MARCO: variants seen among roughly 807,000 people sequenced by gnomAD.
MARCO encodes the protein macrophage receptor MARCO.
Under a neutral mutation model 70.0 loss-of-function variants are expected in MARCO, and 72 were observed. The ratio of observed to expected loss-of-function variants is 1.03; its 90% CI spans 0.85 to 1.25. The LOEUF is 1.25. Ranked by LOEUF, MARCO falls within the 50% of genes most tolerant of loss-of-function variation. MARCO has a pLI of 0.00. For missense variants in MARCO, 696 were observed against 659.3 expected (o/e 1.06, Z -0.61); for synonymous variants, 273 against 243.1 (o/e 1.12, Z -1.14).
At chr2:118,955,655 G>T (rs1372408028) in intron 1 of MARCO, among the ~76,000 whole-genome samples, 3 of 152,186 alleles carry the variant, frequency 2.0e-5, no homozygotes, top group Non-Finnish European at 4.4e-5. Flanking sequence ...TTGTCATCAG[G>T]TTATCTAAAG....
chr2:118,957,919 A>C (rs1388215867), intron 1 of MARCO, among the ~76,000 whole-genome samples: 1 of 152,150 alleles, frequency 6.6e-6, no homozygotes, highest in East Asian at 1.9e-4. Context: ...ATTTCAATAG[A>C]TGCAGAAAAA....
chr2:118,967,894 T>C (rs1005810486), intron 1 of MARCO, among the ~76,000 whole-genome samples: 3 of 152,306 alleles, frequency 2.0e-5, no homozygotes, highest in Non-Finnish European at 2.9e-5. Context: ...AGATGTGCCC[T>C]TGGGGCCCAT....
chr2:118,960,760 G>A (rs1031847568), intron 1 of MARCO, among the ~76,000 whole-genome samples: 1 of 152,046 alleles, frequency 6.6e-6, no homozygotes, highest in South Asian at 2.1e-4. Context: ...AAGTTCCAGA[G>A]TACATGTGCA....
intron 16 of MARCO, among the ~76,000 whole-genome samples, 182 bp downstream of exon 16, chr2:118,993,482 A>G (rs1040876958): frequency 1.3e-5 from 2 of 152,208 alleles, no homozygotes; most frequent in Non-Finnish European, 2.9e-5. Context: ...TGGCAACCCC[A>G]GCAGAAAGAT....
At chr2:118,984,987 G>A (rs1023057547) in intron 12 of MARCO, among the ~76,000 whole-genome samples, 12 of 152,198 alleles carry the variant, frequency 7.9e-5, no homozygotes, top group Admixed American at 6.5e-5. Context: ...TGACCTAGGT[G>A]ACAGCTAGGT....
intron 15 of MARCO, 66 bp downstream of exon 15, chr2:118,992,542 G>A (rs1048627728): frequency 8.1e-6 from 11 of 1,363,286 alleles, no homozygotes; most frequent in Non-Finnish European, 1.0e-5. Flanking sequence ...AAAATTGTGT[G>A]TGTTGGGGGA....
rs145557337 is a variant in MARCO at position 118,971,256 on chromosome 2, C to T, written c.425-243C>T. ...CCTCCTTTCCCCACCTCCAAGACTC[C>T]CAGGGATCTACAGGTCTCGGGGTGC... On this transcript the variant is annotated intron_variant, in intron 3 of 16. Transcript: ENST00000327097. 1.4e-3 allele frequency among the ~76,000 whole-genome samples: 214 copies of T among 152,278 alleles called. 1 individual carries two copies. The highest frequency in any genetic ancestry group is 5.0e-3 in the African/African-American group (208 of 41,554).
intron 1 of MARCO, among the ~76,000 whole-genome samples, chr2:118,943,316 T>C (rs1679538846): frequency 6.6e-6 from 1 of 152,346 alleles, no homozygotes; most frequent in South Asian, 2.1e-4. Context: ...TGAGTGCTAA[T>C]GGCTATAATA....
intron 1 of MARCO, among the ~76,000 whole-genome samples, chr2:118,965,910 T>C (rs1680035728): frequency 6.6e-6 from 1 of 152,200 alleles, no homozygotes; most frequent in South Asian, 2.1e-4. Context: ...GGAAGTGAGA[T>C]ACATCAGGCC....
intron 6 of MARCO, 80 bp from the exon 7 acceptor site, chr2:118,977,391 A>T: frequency 1.7e-6 from 2 of 1,152,486 alleles, no homozygotes; most frequent in South Asian, 1.2e-5. Context: ...CAACTAAGGG[A>T]ATCTAGAATG....
rs763143961 is a variant in MARCO, at chr2:118,969,167, G to A, written c.105G>A (p.Lys35=). The change falls in exon 2 of 17, where the codon AAG becomes AAA. Residue 35 remains lysine, a synonymous_variant. Transcript: ENST00000327097. ...TCCTGGCTTGTGTTTCAGTTCCAAA[G>A]CCCAAGAGGAGAAATGGGGTGAACT... ...AMEPFEINVP[K]PKRRNGVNFS... is the part of the protein sequence containing the mutation. 3.1e-6 allele frequency: 5 copies of A among 1,613,070 alleles called. No homozygotes were observed. In the East Asian group the frequency reaches 1.1e-4, roughly 36 times the overall value.
In MARCO at chr2:118,977,344, G is replaced by A. The variant is rs202068678; in HGVS notation, c.614-127G>A. The A allele has an allele frequency of 1.5e-5, 11 of 731,974 alleles. No individual in the cohort carries two copies. In the East Asian group the frequency reaches 2.7e-4, roughly 18 times the overall value. 45.3% of individuals were successfully genotyped at this position (731,974 alleles called of 1,614,324 possible). A position where few individuals can be genotyped will look rare whatever the true frequency, so the allele number is the denominator to read the frequency against. On this transcript the variant is annotated intron_variant, in intron 6 of 16. Transcript: ENST00000327097. ...AGAGAGAGAGAGAGAGAGTGAGAGT[G>A]AGAGAGAGAGAAAGATCTCCTTCTG...
chr2:118,987,872 G>T (rs1680546032), intron 12 of MARCO, among the ~76,000 whole-genome samples: 1 of 152,220 alleles, frequency 6.6e-6, no homozygotes, highest in African/African-American at 2.4e-5. Context: ...TGGCCTCAGG[G>T]AGGCTGGAGG....
intron 1 of MARCO, among the ~76,000 whole-genome samples, chr2:118,947,508 T>C (rs958445081): frequency 5.3e-5 from 8 of 152,168 alleles, no homozygotes; most frequent in African/African-American, 1.9e-4. Context: ...TCGTATAACG[T>C]ATAATGTGTA....
At position 118,943,490 on chromosome 2, in the gene MARCO, C is replaced by A. The variant is rs555866536; in HGVS notation, c.97+1093C>A. Among the ~76,000 whole-genome samples the A allele has an allele frequency of 3.9e-5, 6 of 152,318 alleles. No individual in the cohort carries two copies. In the South Asian group the frequency reaches 1.2e-3, roughly 32 times the overall value. ...AGGAAACAGGCTTGAATAAACATAG[C>A]CTCTGGCCTCTGGCTTCTGGCACGA... On this transcript the variant is annotated intron_variant, in intron 1 of 16. Transcript: ENST00000327097.
chr2:118,985,607 A>G (rs1343409699), intron 12 of MARCO, among the ~76,000 whole-genome samples: 2 of 152,172 alleles, frequency 1.3e-5, no homozygotes, highest in Admixed American at 6.5e-5. Context: ...TCCAGCCTCC[A>G]TCACTTAGTA....
At chr2:118,956,671 CCAACAACCAAAGAATA>C (rs1679843559) in intron 1 of MARCO, among the ~76,000 whole-genome samples, 1 of 152,118 alleles carries the variant, frequency 6.6e-6, no homozygotes, top group South Asian at 2.1e-4. Flanking sequence ...AACATTTCAT[CCAACAACCAAAGAATA>C]CACATTCTAT....
chr2:118,957,511 AAAAC>A (rs879904399), intron 1 of MARCO, among the ~76,000 whole-genome samples: 4 of 152,008 alleles, frequency 2.6e-5, no homozygotes, highest in Non-Finnish European at 5.9e-5. Flanking sequence ...TTACCCCCCA[AAAAC>A]AAACAAACAA....
rs1558671963 is a variant in MARCO at position 118,986,709 on chromosome 2, GAAAGAAAGAA to G, written c.1064-3878_1064-3869del. ...AGAAAGAAAGAAAGAAAGAAAGAAA[GAAAGAAAGAA>G]AGAAAAGAAAGAAAGAAAGAGAAAG... On this transcript the variant is annotated intron_variant, in intron 12 of 16. Transcript: ENST00000327097. 3.5e-4 allele frequency among the ~76,000 whole-genome samples: 31 copies of G among 89,798 alleles called. 2 individuals carry two copies. The highest frequency in any genetic ancestry group is 2.7e-3 in the East Asian group (8 of 3,000). The allele number at this position is 89,798 out of a possible 152,430, so 58.9% of individuals were successfully genotyped here. A position where few individuals can be genotyped will look rare whatever the true frequency, so the allele number is the denominator to read the frequency against.
Sources: gnomAD v4.1 joint callset for allele counts (sites outside exome capture counted in the v4.1 genomes callset) on GRCh38, gnomAD v4.1.1 for gene constraint, MANE v1.5 for transcripts, NCBI Gene and HGNC (gene_info 2026-07-23, HGNC 2026-07-21) for gene names.